Variants in PIAS2 observed in about 807,000 individuals in gnomAD.
PIAS2 encodes the protein protein inhibitor of activated STAT 2.
A neutral mutation model predicts 69.7 loss-of-function variants in PIAS2; 19 were observed. The ratio of observed to expected loss-of-function variants is 0.27; its 90% CI spans 0.19 to 0.40. The LOEUF (loss-of-function observed/expected upper bound fraction) is 0.40, where lower values mean the gene tolerates loss of function less well. Among genes scored for constraint, PIAS2 ranks in the 10% least tolerant of loss-of-function variants. The pLI, the probability that PIAS2 is intolerant of heterozygous loss-of-function variation, is 1.00. For synonymous variants in PIAS2, 261 were observed against 263.2 expected (o/e 0.99, Z 0.08); for missense variants, 624 against 757.0 (o/e 0.82, Z 2.06).
At chr18:46,825,662 C>A (rs1258210301) in intron 11 of PIAS2, among the ~76,000 whole-genome samples, 1 of 152,146 alleles carries the variant, frequency 6.6e-6, no homozygotes, top group Non-Finnish European at 1.5e-5. Flanking sequence ...TAAAATGGAA[C>A]AAAACTGGCA....
At chr18:46,918,438 C>G (rs910728923), upstream of PIAS2, among the ~76,000 whole-genome samples, 1 of 152,156 alleles carries the variant, frequency 6.6e-6, no homozygotes, top group South Asian at 2.1e-4. Context: ...CCTTCCACTC[C>G]CCTGCCCCCG....
intron 9 of PIAS2, 36 bp downstream of exon 9, chr18:46,836,321 T>TATCAGCTG (rs1447381333): frequency 1.3e-6 from 2 of 1,540,088 alleles, no homozygotes; most frequent in Non-Finnish European, 1.8e-6. Context: ...AGCTGTTGTA[T>TATCAGCTG]TAGTCCATAT....
chr18:46,821,901 CAG>C (rs2042220315), intron 11 of PIAS2, among the ~76,000 whole-genome samples: 1 of 152,114 alleles, frequency 6.6e-6, no homozygotes, highest in African/African-American at 2.4e-5. Context: ...CAAGCTTAAA[CAG>C]AGATTTTTTT....
At chr18:46,874,149 C>CA (rs1175522506) in intron 2 of PIAS2, among the ~76,000 whole-genome samples, 1 of 151,942 alleles carries the variant, frequency 6.6e-6, no homozygotes, top group African/African-American at 2.4e-5. Flanking sequence ...GTTTAATATG[C>CA]AAAAAAACTA....
intron 1 of PIAS2, among the ~76,000 whole-genome samples, chr18:46,895,250 G>A (rs1417900554): frequency 1.3e-5 from 2 of 152,036 alleles, no homozygotes; most frequent in African/African-American, 2.4e-5. Context: ...CATGGTAAAG[G>A]TCAATAAGAA....
rs2040563469 is a variant in PIAS2 at position 46,803,576 on chromosome 18, T to C, written c.*8857A>G. Reference sequence around the variant, plus strand: ...TAGGATATGTCTATAGCTTGTCAAATAGCAGGTGGGCATGTCTTTCAGACA... The same window carrying C: ...TAGGATATGTCTATAGCTTGTCAAACAGCAGGTGGGCATGTCTTTCAGACA... On this transcript the variant is annotated 3_prime_UTR_variant, in exon 14 of 14. Transcript: ENST00000585916. 2 of 152,216 alleles carry C rather than the reference T, an allele frequency of 1.3e-5. No individual in the cohort carries two copies. The highest frequency in any genetic ancestry group is 4.8e-5 in the African/African-American group (2 of 41,462). 9.4% of individuals were successfully genotyped at this position (152,216 alleles called of 1,614,324 possible). A position where few individuals can be genotyped will look rare whatever the true frequency, so the allele number is the denominator to read the frequency against.
chr18:46,887,606 G>A (rs1262747634), intron 2 of PIAS2, among the ~76,000 whole-genome samples: 1 of 152,172 alleles, frequency 6.6e-6, no homozygotes, highest in Non-Finnish European at 1.5e-5. Flanking sequence ...GTAAGCAATT[G>A]ATGGGCATTA....
intron 8 of PIAS2, among the ~76,000 whole-genome samples, chr18:46,842,050 G>A (rs764935338): frequency 3.3e-5 from 5 of 151,830 alleles, no homozygotes; most frequent in South Asian, 2.1e-4. Context: ...GCAACATGGC[G>A]AAAGATCTCT....
At position 46,855,551 on chromosome 18, in the gene PIAS2, A is replaced by C. The variant is rs1568539841; in HGVS notation, c.635+14T>G. On this transcript the variant is annotated intron_variant, in intron 4 of 13. Transcript: ENST00000585916. ...CAAGTATAAAACTAAGGTAACAGAAAATTTCAAACTCACCTCAACTGAACT... is the reference window on the plus strand; with the variant it reads ...CAAGTATAAAACTAAGGTAACAGAACATTTCAAACTCACCTCAACTGAACT... 6.2e-7 allele frequency: 1 copy of C among 1,611,526 alleles called. No homozygotes were observed. The highest frequency in any genetic ancestry group is 1.3e-5 in the African/African-American group (1 of 74,986).
At chr18:46,861,046 G>A (rs940751390) in intron 3 of PIAS2, among the ~76,000 whole-genome samples, 8 of 152,028 alleles carry the variant, frequency 5.3e-5, no homozygotes, top group Admixed American at 2.0e-4. Context: ...TTGGGAGGCC[G>A]AGGCAGGCGG....
At chr18:46,855,726 G>T in intron 3 of PIAS2, 111 bp from the exon 4 acceptor site, 1 of 801,110 alleles carries the variant, frequency 1.2e-6, no homozygotes, top group Non-Finnish European at 2.1e-6. Context: ...CTTATTCCCT[G>T]AAAGGTGATC....
chr18:46,836,292 G>T, intron 9 of PIAS2, 65 bp downstream of exon 9: 1 of 1,257,240 alleles, frequency 8.0e-7, no homozygotes, highest in South Asian at 1.3e-5. Flanking sequence ...AAGTTGTAGT[G>T]AACAAAGGCA....
intron 2 of PIAS2, among the ~76,000 whole-genome samples, chr18:46,878,799 CAG>C (rs2051687226): frequency 6.6e-6 from 1 of 152,182 alleles, no homozygotes. Context: ...ACCCGGGAGG[CAG>C]AGTTTGCAGT....
chr18:46,829,684 A>G (rs751017042), intron 10 of PIAS2, 50 bp downstream of exon 10: 1 of 1,537,246 alleles, frequency 6.5e-7, no homozygotes, highest in Admixed American at 1.8e-5. Context: ...ATTAATGATA[A>G]TGTTGCACGA....
chr18:46,815,959 T>C lies in PIAS2; in HGVS notation c.1649-610A>G. The C allele has an allele frequency of 3.0e-6, 3 of 985,386 alleles. No individual in the cohort carries two copies. In the South Asian group the frequency reaches 1.4e-4, roughly 46 times the overall value. 61.0% of individuals were successfully genotyped at this position (985,386 alleles called of 1,614,324 possible). ...GAACCAGAGAACTGTAATTGTCCAA[T>C]TCGATTTTAGAAAGAGGAATGTGTA... On this transcript the variant is annotated intron_variant, in intron 12 of 13. Coordinates refer to ENST00000585916, the MANE Select transcript of PIAS2 (RefSeq NM_004671.5).
intron 3 of PIAS2, among the ~76,000 whole-genome samples, chr18:46,856,387 T>C (rs1048783595): frequency 1.3e-5 from 2 of 152,150 alleles, no homozygotes; most frequent in Non-Finnish European, 2.9e-5. Context: ...TTATAGCTAC[T>C]AGGGGGATTC....
At chr18:46,917,148 G>A in intron 1 of PIAS2, 174 bp downstream of exon 1, 1 of 1,041,866 alleles carries the variant, frequency 9.6e-7, no homozygotes. Flanking sequence ...CGTGCCCTCC[G>A]CCGGCCCGCT....
chr18:46,806,353 CTTTTTTTTTTTTTTTTT>C lies in PIAS2; in HGVS notation c.*6063_*6079del, dbSNP rs869187746. 7 of 60,206 alleles carry C rather than the reference CTTTTTTTTTTTTTTTTT, an allele frequency of 1.2e-4. No homozygotes were observed. The South Asian group carries it at 3.3e-3, about 28-fold the overall frequency. 3.7% of individuals were successfully genotyped at this position (60,206 alleles called of 1,614,324 possible). A position where few individuals can be genotyped will look rare whatever the true frequency, so the allele number is the denominator to read the frequency against. On this transcript the variant is annotated 3_prime_UTR_variant, in exon 14 of 14. Transcript: ENST00000585916. ...AAAATTCTTTGCACAATGCCTGTTA[CTTTTTTTTTTTTTTTTT>C]TTTTTTTTTTTTGGTCTCACTCTGT... is the stretch of plus-strand genomic sequence containing the variant.
At chr18:46,842,884 A>C (rs560004319) in intron 8 of PIAS2, among the ~76,000 whole-genome samples, 4 of 152,176 alleles carry the variant, frequency 2.6e-5, no homozygotes, top group Admixed American at 1.3e-4. Flanking sequence ...AGCAATCCTC[A>C]TATCAAAAAA....
Sources: gnomAD v4.1 joint callset for allele counts (sites outside exome capture counted in the v4.1 genomes callset) on GRCh38, gnomAD v4.1.1 for gene constraint, MANE v1.5 for transcripts, NCBI Gene and HGNC (gene_info 2026-07-23, HGNC 2026-07-21) for gene names.